The following PDE1C variants were observed in gnomAD, a reference collection of about 807,000 sequenced individuals.
PDE1C encodes the protein dual specificity calcium/calmodulin-dependent 3',5'-cyclic nucleotide phosphodiesterase 1C.
In PDE1C, 62 loss-of-function variants were observed where a neutral mutation model predicts 93.1. The observed-to-expected ratio is 0.67, with a 90% CI of 0.54 to 0.82. The LOEUF is 0.82. Among genes scored for constraint, PDE1C ranks in the 40% least tolerant of loss-of-function variants. The pLI is 0.00. For missense variants in PDE1C, 742 were observed against 884.6 expected, an observed-to-expected ratio of 0.84 and a Z score of 2.04; for synonymous variants, 325 against 310.1, an observed-to-expected ratio of 1.05 and a Z score of -0.50.
the PDE1C span, chr7:31,643,847 C>T: frequency 6.2e-7 from 1 of 1,613,948 alleles, no homozygotes; most frequent in Non-Finnish European, 8.5e-7. Context: ...GGCCCTGAAC[C>T]CTCAGTCTGT....
At chr7:31,641,032 TG>T in the PDE1C span, among the ~76,000 whole-genome samples, 1 of 152,174 alleles carries the variant, frequency 6.6e-6, no homozygotes, top group Non-Finnish European at 1.5e-5. Context: ...TGGGCTGGGT[TG>T]GCCAGCTCTG....
intron 2 of PDE1C, among the ~76,000 whole-genome samples, chr7:31,990,692 C>T (rs573203852): frequency 1.3e-5 from 2 of 152,158 alleles, no homozygotes; most frequent in Non-Finnish European, 2.9e-5. Context: ...AAAATTAATA[C>T]AAATTTGCTT....
intron 3 of PDE1C, among the ~76,000 whole-genome samples, chr7:32,106,700 C>T (rs1038279275): frequency 2.6e-5 from 4 of 152,088 alleles, no homozygotes; most frequent in Non-Finnish European, 5.9e-5. Flanking sequence ...AATAAGGCAA[C>T]CCAATTCCTC....
intron 17 of PDE1C, among the ~76,000 whole-genome samples, chr7:31,759,260 G>C (rs1355205859): frequency 6.6e-6 from 1 of 152,182 alleles, no homozygotes; most frequent in African/African-American, 2.4e-5. Flanking sequence ...TGAATTTAAT[G>C]TGGACCATTC....
At position 32,141,415 on chromosome 7, in the gene PDE1C, CT is replaced by C. The variant is rs572458126; in HGVS notation, c.308+28369del. On this transcript the variant is annotated intron_variant, in intron 3 of 18. Coordinates refer to the PDE1C transcript ENST00000396193. ...AGTAGAGAAATTTGGCAAACACTAC[CT>C]TAATTAAGTGATCAAGTCTAGCAAA... 1.2e-3 allele frequency among the ~76,000 whole-genome samples: 185 copies of C among 152,156 alleles called. 1 individual carries two copies. Among genetic ancestry groups the C allele is most frequent in the Non-Finnish European group, 1.8e-3 (122 of 68,020 alleles).
chr7:32,372,711 C>T (rs1784354603), intron 1 of PDE1C, among the ~76,000 whole-genome samples: 1 of 152,156 alleles, frequency 6.6e-6, no homozygotes, highest in Non-Finnish European at 1.5e-5. Context: ...ACAAATCACA[C>T]ATCTGATAAG....
intron 2 of PDE1C, among the ~76,000 whole-genome samples, chr7:32,192,155 C>A (rs1484483572): frequency 6.6e-6 from 1 of 152,098 alleles, no homozygotes; most frequent in Non-Finnish European, 1.5e-5. Context: ...TTTTATCCCA[C>A]CTTGTAGAAT....
At chr7:32,124,760 A>G (rs1799480411) in intron 3 of PDE1C, among the ~76,000 whole-genome samples, 1 of 152,222 alleles carries the variant, frequency 6.6e-6, no homozygotes, top group Non-Finnish European at 1.5e-5. Context: ...AAAGCCCTAA[A>G]CCATAAAAAC....
downstream of PDE1C, among the ~76,000 whole-genome samples, chr7:31,747,032 C>T (rs768148062): frequency 6.6e-5 from 10 of 152,096 alleles, no homozygotes; most frequent in African/African-American, 9.7e-5. Flanking sequence ...CACAATCAAT[C>T]CTGGCCTAAG....
the PDE1C span, among the ~76,000 whole-genome samples, chr7:31,654,836 T>C: frequency 3.3e-5 from 5 of 152,180 alleles, no homozygotes; most frequent in East Asian, 3.8e-4. Flanking sequence ...ACTAATTCTA[T>C]TGAAACCACC....
At chr7:31,708,270 A>G in the PDE1C span, 1 of 152,250 alleles carries the variant, frequency 6.6e-6, no homozygotes, top group Non-Finnish European at 1.5e-5. Context: ...GGCAATAGAC[A>G]GGAGAGAGGT....
chr7:32,029,497 A>G (rs1554474996), intron 2 of PDE1C, among the ~76,000 whole-genome samples: 1 of 152,132 alleles, frequency 6.6e-6, no homozygotes, highest in Non-Finnish European at 1.5e-5. Flanking sequence ...TATCTTTGTG[A>G]TAGAATAAAT....
chr7:31,896,951 T>C (rs73306585), intron 2 of PDE1C, among the ~76,000 whole-genome samples: 2,265 of 152,344 alleles, frequency 0.015, 44 homozygotes, highest in African/African-American at 0.052. Context: ...CATGCATTGC[T>C]GGAGAGAAGA....
chr7:32,165,421 A>C (rs571607964), intron 3 of PDE1C, among the ~76,000 whole-genome samples: 1 of 152,236 alleles, frequency 6.6e-6, no homozygotes, highest in African/African-American at 2.4e-5. Flanking sequence ...CTATAAAGAA[A>C]TACCTGAAAC....
intron 1 of PDE1C, among the ~76,000 whole-genome samples, chr7:32,356,280 A>G (rs1784027602): frequency 6.6e-6 from 1 of 152,228 alleles, no homozygotes; most frequent in African/African-American, 2.4e-5. Flanking sequence ...AAGACCCCAC[A>G]ATGTCTTTTT....
At chr7:31,617,944 A>ATGGTAGGAAATGCATTTTAGAAGC in the PDE1C span, among the ~76,000 whole-genome samples, 5 of 152,240 alleles carry the variant, frequency 3.3e-5, no homozygotes, top group Non-Finnish European at 7.3e-5. Context: ...AGTAAAGAAA[A>ATGGTAGGAAATGCATTTTAGAAGC]TGGTAGGAAA....
At chr7:31,781,937 G>A (rs1407888628) in intron 16 of PDE1C, among the ~76,000 whole-genome samples, 1 of 152,040 alleles carries the variant, frequency 6.6e-6, no homozygotes, top group Non-Finnish European at 1.5e-5. Flanking sequence ...AATGTGCTTT[G>A]AACTTGAATT....
chr7:32,382,533 G>A (rs1187157711), intron 1 of PDE1C, among the ~76,000 whole-genome samples: 2 of 152,216 alleles, frequency 1.3e-5, no homozygotes, highest in East Asian at 3.9e-4. Flanking sequence ...GGCAGAGCCT[G>A]TTCCTGGAGT....
intron 8 of PDE1C, among the ~76,000 whole-genome samples, chr7:31,849,867 T>C (rs956396878): frequency 2.0e-5 from 3 of 152,142 alleles, no homozygotes; most frequent in African/African-American, 7.2e-5. Flanking sequence ...AGGAAAGTTT[T>C]ATCCTAAGTA....
Sources: allele counts gnomAD v4.1 joint callset (sites outside exome capture counted in the v4.1 genomes callset), GRCh38; gene constraint gnomAD v4.1.1; transcripts MANE v1.5; gene names NCBI Gene and HGNC (gene_info 2026-07-23, HGNC 2026-07-21).